The following CDH13 variants were observed in gnomAD, a reference collection of about 807,000 sequenced individuals.
CDH13 encodes cadherin-13.
CDH13 carries 24 observed loss-of-function variants against 63.8 expected under a neutral mutation model. The observed-to-expected ratio is 0.38, with a 90% CI of 0.27 to 0.53. CDH13 has a LOEUF of 0.53. Ranked by LOEUF, CDH13 falls within the 20% of genes least tolerant of loss-of-function variation. The pLI is 0.85. For missense variants in CDH13, 1,049 were observed against 903.1 expected, an observed-to-expected ratio of 1.16 and a Z score of -2.07; for synonymous variants, 503 against 355.3, an observed-to-expected ratio of 1.42 and a Z score of -4.67.
At chr16:82,975,995 G>A (rs1211649736) in intron 2 of CDH13, among the ~76,000 whole-genome samples, 3 of 152,148 alleles carry the variant, frequency 2.0e-5, no homozygotes, top group South Asian at 2.1e-4. Context: ...TTGCATAAAC[G>A]ACGGAAAACA....
At chr16:83,635,699 T>C (rs945389015) in intron 8 of CDH13, among the ~76,000 whole-genome samples, 3 of 152,204 alleles carry the variant, frequency 2.0e-5, no homozygotes, top group Non-Finnish European at 2.9e-5. Flanking sequence ...ATGTAGTCTA[T>C]ATGCACATCC....
At chr16:82,971,924 G>T (rs565555251) in intron 2 of CDH13, among the ~76,000 whole-genome samples, 1 of 152,160 alleles carries the variant, frequency 6.6e-6, no homozygotes, top group Non-Finnish European at 1.5e-5. Flanking sequence ...CTCAGAGGAG[G>T]ATGACCTGTG....
At chr16:83,394,255 A>T (rs927979041) in intron 6 of CDH13, among the ~76,000 whole-genome samples, 3 of 152,156 alleles carry the variant, frequency 2.0e-5, no homozygotes, top group Admixed American at 6.5e-5. Context: ...TTTTAAAAAA[A>T]AAAAACAAAA....
At chr16:83,365,782 C>T (rs1368135949) in intron 6 of CDH13, among the ~76,000 whole-genome samples, 1 of 152,154 alleles carries the variant, frequency 6.6e-6, no homozygotes, top group Non-Finnish European at 1.5e-5. Flanking sequence ...GTTGCCAATT[C>T]TGAGATCCTG....
chr16:83,045,367 G>A (rs77429230), intron 3 of CDH13, among the ~76,000 whole-genome samples: 10,881 of 152,114 alleles, frequency 0.072, 501 homozygotes, highest in Middle Eastern at 0.11. Context: ...GGCTGGGGGC[G>A]ATGGCTCAAA....
intron 4 of CDH13, among the ~76,000 whole-genome samples, chr16:83,191,593 T>A (rs1272382288): frequency 7.0e-6 from 1 of 143,516 alleles, no homozygotes; most frequent in Non-Finnish European, 1.5e-5. Context: ...GTTTATTAAA[T>A]AGTATCAACT....
intron 1 of CDH13, among the ~76,000 whole-genome samples, chr16:82,695,413 C>G (rs747934675): frequency 6.6e-6 from 1 of 152,214 alleles, no homozygotes; most frequent in African/African-American, 2.4e-5. Flanking sequence ...CTACTTCCCA[C>G]CAATTTTTCT....
chr16:83,776,265 A>C (rs1915106591), intron 11 of CDH13, among the ~76,000 whole-genome samples: 1 of 152,252 alleles, frequency 6.6e-6, no homozygotes. Flanking sequence ...TTGTCTTCAT[A>C]ATATATTCAG....
At chr16:83,532,533 A>G (rs568346318) in intron 7 of CDH13, among the ~76,000 whole-genome samples, 1 of 152,344 alleles carries the variant, frequency 6.6e-6, no homozygotes, top group South Asian at 2.1e-4. Flanking sequence ...TGCTGCATCC[A>G]GAGTGCCTAG....
rs965870723 is a variant in CDH13, at chr16:82,986,883, C to A, written c.158-45127C>A. On this transcript the variant is annotated intron_variant, in intron 2 of 13. Transcript: ENST00000567109. ...CTTTTAAACTTTTATGAGTTAGGTA[C>A]TTTCAAGTTGTGTAGGACAGACTCA... 2.0e-5 allele frequency among the ~76,000 whole-genome samples: 3 copies of A among 152,162 alleles called. No homozygotes were observed. In the South Asian group the frequency reaches 6.2e-4, roughly 32 times the overall value.
chr16:82,964,432 C>T (rs1907510298), intron 2 of CDH13, among the ~76,000 whole-genome samples: 2 of 152,202 alleles, frequency 1.3e-5, no homozygotes, highest in South Asian at 4.1e-4. Flanking sequence ...AAAAAGCAGA[C>T]AGCGGCTTAG....
intron 6 of CDH13, among the ~76,000 whole-genome samples, chr16:83,364,583 G>C (rs540856150): frequency 6.6e-6 from 1 of 152,114 alleles, no homozygotes; most frequent in Non-Finnish European, 1.5e-5. Context: ...AAACTCATAG[G>C]TTTTTACCAT....
At chr16:83,023,948 A>C (rs1380003842) in intron 2 of CDH13, among the ~76,000 whole-genome samples, 1 of 152,174 alleles carries the variant, frequency 6.6e-6, no homozygotes, top group Non-Finnish European at 1.5e-5. Context: ...TCCTTTAGAT[A>C]TTGCCAAAGC....
chr16:82,762,252 A>G (rs535043172), intron 1 of CDH13, among the ~76,000 whole-genome samples: 1 of 152,314 alleles, frequency 6.6e-6, no homozygotes, highest in Admixed American at 6.5e-5. Flanking sequence ...TGCTCCCACG[A>G]TGATCTGATG....
At chr16:83,098,433 C>T (rs2034310685) in intron 3 of CDH13, among the ~76,000 whole-genome samples, 1 of 152,128 alleles carries the variant, frequency 6.6e-6, no homozygotes, top group East Asian at 1.9e-4. Flanking sequence ...CACATATACA[C>T]CACTTTCTGT....
At chr16:83,625,154 C>CTGTGTGTGTGTGTGCTCA (rs61478910) in intron 8 of CDH13, among the ~76,000 whole-genome samples, 10,250 of 149,650 alleles carry the variant, frequency 0.068, 425 homozygotes, top group South Asian at 0.084. Context: ...TAAAGAAACT[C>CTGTGTGTGTGTGTGCTCA]TGTGTGTGTG....
intron 2 of CDH13, among the ~76,000 whole-genome samples, chr16:82,928,094 A>T (rs548123880): frequency 1.3e-5 from 2 of 151,994 alleles, no homozygotes; most frequent in South Asian, 2.1e-4. Context: ...TTATTTCAGA[A>T]CTATGATCAT....
chr16:83,475,739 G>A lies in CDH13; in HGVS notation c.782-10738G>A, dbSNP rs570880076. On this transcript the variant is annotated intron_variant, in intron 6 of 13. Coordinates refer to ENST00000567109, the MANE Select transcript of CDH13 (RefSeq NM_001257.5). ...TAGGATTACAGGGACATGCCACCAC[G>A]TTTGGCTAAATTTGTTTGCATTTTT... is the stretch of plus-strand genomic sequence containing the variant. Among the ~76,000 whole-genome samples the A allele has an allele frequency of 3.9e-4, 60 of 152,166 alleles. 1 individual carries two copies. Among genetic ancestry groups the A allele is most frequent in the Non-Finnish European group, 5.7e-4 (39 of 68,004 alleles).
intron 2 of CDH13, among the ~76,000 whole-genome samples, chr16:82,979,718 A>G (rs747974181): frequency 6.6e-6 from 1 of 152,236 alleles, no homozygotes; most frequent in Non-Finnish European, 1.5e-5. Flanking sequence ...CTCTATTAGC[A>G]GGATGAGAAC....
Sources: allele counts gnomAD v4.1 joint callset (sites outside exome capture counted in the v4.1 genomes callset), GRCh38; gene constraint gnomAD v4.1.1; transcripts MANE v1.5; gene names NCBI Gene and HGNC (gene_info 2026-07-23, HGNC 2026-07-21).